The following MAST2 variants were observed in gnomAD, a reference collection of about 807,000 sequenced individuals.
MAST2 encodes microtubule-associated serine/threonine-protein kinase 2.
Under a neutral mutation model 147.4 loss-of-function variants are expected in MAST2, and 70 were observed. The observed-to-expected ratio is 0.47, with a 90% CI of 0.39 to 0.58. MAST2 has a LOEUF of 0.58. Among genes scored for constraint, MAST2 ranks in the 20% least tolerant of loss-of-function variants. The pLI is 0.00. For missense variants in MAST2, 2,080 were observed against 2,302.3 expected, an observed-to-expected ratio of 0.90 and a Z score of 1.98; for synonymous variants, 869 against 896.8, an observed-to-expected ratio of 0.97 and a Z score of 0.55.
At chr1:45,928,135 C>T (rs530266599) in intron 4 of MAST2, among the ~76,000 whole-genome samples, 13 of 152,292 alleles carry the variant, frequency 8.5e-5, no homozygotes, top group East Asian at 5.8e-4. Context: ...TCCCCAGTAT[C>T]GTCTACATTG....
chr1:46,023,787 G>T lies in MAST2; in HGVS notation c.1587G>T (p.Val529=), dbSNP rs1389784839. 6.2e-7 allele frequency: 1 copy of T among 1,614,000 alleles called. No homozygotes were observed. Among genetic ancestry groups the T allele is most frequent in the Admixed American group, 1.7e-5 (1 of 59,994 alleles). ...TGTTTCCCAGGGCTGTATTTCTGGT[G>T]CGGCACAAGTCCACCCGGCAGCGCT... The part of the protein sequence containing the change: ...SNGAYGAVFL[V]RHKSTRQRFA... Residue 529 remains valine (V), a synonymous_variant, in exon 15 of 29, where the codon GTG becomes GTT. Coordinates refer to ENST00000361297, the MANE Select transcript of MAST2 (RefSeq NM_015112.3). This position sits in a 1 kb window ranked among gnomAD's most constrained non-coding sequence, Gnocchi z 4.9.
chr1:45,813,846 C>T (rs181273807), intron 1 of MAST2, among the ~76,000 whole-genome samples: 32 of 152,168 alleles, frequency 2.1e-4, no homozygotes, highest in Admixed American at 1.9e-3. Context: ...GAGATGAAGT[C>T]TTGCTATGTT....
chr1:45,873,454 T>A (rs1001365562), intron 3 of MAST2, among the ~76,000 whole-genome samples: 10 of 152,208 alleles, frequency 6.6e-5, no homozygotes, highest in African/African-American at 2.4e-4. Flanking sequence ...TGCCTCAGCC[T>A]CCCAAAGTGC....
intron 3 of MAST2, among the ~76,000 whole-genome samples, chr1:45,843,247 T>C (rs1185626868): frequency 6.6e-6 from 1 of 152,176 alleles, no homozygotes; most frequent in East Asian, 1.9e-4. Context: ...TTGTTGGTAA[T>C]GTCCTTTGAA....
In MAST2 at chr1:46,023,616, G is replaced by C. The variant is rs1254885376; in HGVS notation, c.1572-156G>C. Reference sequence around the variant, plus strand: ...CTATCAAGAAGTTTAAGAGTTCTATGGACCAGGGGGTCCCAGACCCTTCTC... The same window carrying C: ...CTATCAAGAAGTTTAAGAGTTCTATCGACCAGGGGGTCCCAGACCCTTCTC... On this transcript the variant is annotated intron_variant, in intron 14 of 28. Coordinates refer to ENST00000361297, the MANE Select transcript of MAST2 (RefSeq NM_015112.3). The surrounding 1 kb of genome is among the most constrained non-coding windows in gnomAD (Gnocchi z 4.9). 2 of 680,248 alleles carry C rather than the reference G, an allele frequency of 2.9e-6. No individual in the cohort carries two copies. The highest frequency in any genetic ancestry group is 5.0e-6 in the Non-Finnish European group (2 of 399,730). 42.1% of individuals were successfully genotyped at this position (680,248 alleles called of 1,614,324 possible).
intron 4 of MAST2, among the ~76,000 whole-genome samples, chr1:45,904,174 A>T (rs970856730): frequency 3.5e-5 from 5 of 141,344 alleles, no homozygotes; most frequent in East Asian, 2.1e-4. Flanking sequence ...CTAATTTTTA[A>T]TTTTTTTTTT....
In MAST2 at chr1:45,857,553, C is replaced by T. The variant is rs143512376; in HGVS notation, c.469-24811C>T. ...CTGGATGGGGCACCACTGTGATGGGCCTGATGAGTCTCTGAGACTGCTGCA... is the reference window on the plus strand; with the variant it reads ...CTGGATGGGGCACCACTGTGATGGGTCTGATGAGTCTCTGAGACTGCTGCA... On this transcript the variant is annotated intron_variant, in intron 3 of 28. Coordinates refer to ENST00000361297, the MANE Select transcript of MAST2 (RefSeq NM_015112.3). 4.9e-3 allele frequency among the ~76,000 whole-genome samples: 739 copies of T among 152,232 alleles called. 3 individuals carry two copies. The highest frequency in any genetic ancestry group is 0.024 in the Middle Eastern group (7 of 294).
At chr1:45,825,580 G>C (rs377451485) in intron 2 of MAST2, among the ~76,000 whole-genome samples, 1 of 151,102 alleles carries the variant, frequency 6.6e-6, no homozygotes, top group Non-Finnish European at 1.5e-5. Flanking sequence ...TCACAGGTGC[G>C]CACCACCATG....
intron 3 of MAST2, among the ~76,000 whole-genome samples, chr1:45,857,530 G>A (rs1279435263): frequency 6.6e-6 from 1 of 152,192 alleles, no homozygotes; most frequent in Non-Finnish European, 1.5e-5. Flanking sequence ...ACTTTGTGCT[G>A]GATGGGGCAC....
chr1:45,892,220 A>T lies in MAST2; in HGVS notation c.500+9825A>T, dbSNP rs201367306. On this transcript the variant is annotated intron_variant, in intron 4 of 28. Transcript: ENST00000361297. ...CTTGTTTAGCCCTATTCAAATAACCATATTGCCTTGAACTGTAAGGAGACT... is the reference window on the plus strand; with the variant it reads ...CTTGTTTAGCCCTATTCAAATAACCTTATTGCCTTGAACTGTAAGGAGACT... 2.0e-5 allele frequency among the ~76,000 whole-genome samples: 3 copies of T among 152,286 alleles called. No homozygotes were observed. The East Asian group carries it at 5.8e-4, about 29-fold the overall frequency.
rs527589213 is a variant in MAST2 at position 46,003,031 on chromosome 1, G to A, written c.747+148G>A. 7.3e-5 allele frequency: 57 copies of A among 782,668 alleles called. No individual in the cohort carries two copies. The African/African-American group carries it at 8.3e-4, about 11-fold the overall frequency. 48.5% of individuals were successfully genotyped at this position (782,668 alleles called of 1,614,324 possible). On this transcript the variant is annotated intron_variant, in intron 7 of 28. Coordinates refer to ENST00000361297, the MANE Select transcript of MAST2 (RefSeq NM_015112.3). ...AGAGATGATGTTGGGTGCAACAGAG[G>A]GCTGGGGTCCCTTCCCAACCATAGC... is the stretch of plus-strand genomic sequence containing the variant.
intron 4 of MAST2, among the ~76,000 whole-genome samples, chr1:45,889,582 G>C (rs1037757580): frequency 6.6e-6 from 1 of 151,924 alleles, no homozygotes; most frequent in African/African-American, 2.4e-5. Context: ...TGTGTTCTCT[G>C]TGCCTGGAAT....
At chr1:45,910,807 C>T (rs1651546141) in intron 4 of MAST2, among the ~76,000 whole-genome samples, 2 of 152,184 alleles carry the variant, frequency 1.3e-5, no homozygotes, top group African/African-American at 2.4e-5. Context: ...TAATCTCAGG[C>T]AGAGTTCTCT....
At chr1:45,845,906 G>A (rs1321322623) in intron 3 of MAST2, among the ~76,000 whole-genome samples, 1 of 152,088 alleles carries the variant, frequency 6.6e-6, no homozygotes, top group Non-Finnish European at 1.5e-5. Context: ...GACTACAGGT[G>A]CCCACCACCA....
At chr1:45,812,425 CTT>C (rs35095652) in intron 1 of MAST2, among the ~76,000 whole-genome samples, 3,173 of 121,580 alleles carry the variant, frequency 0.026, 113 homozygotes, top group African/African-American at 0.09. Context: ...ATCTGTAAGC[CTT>C]TTTTTTTTTT....
At position 46,033,818 on chromosome 1, in the gene MAST2, C is replaced by G; in HGVS notation, c.3554C>G (p.Ala1185Gly). The change falls in exon 27 of 29, where the codon GCC (alanine) becomes GGC (glycine). Residue 1185 changes from alanine to glycine, a missense_variant. Physicochemically the swap from Ala to Gly is moderately conservative, Grantham distance 60. Transcript: ENST00000361297. Reference sequence around the variant, plus strand: ...GCTCCCCAGAGTGGAAACAAGGTGGCCATTTCAACAACTCCCCTGGAGAAC... The same window carrying G: ...GCTCCCCAGAGTGGAAACAAGGTGGGCATTTCAACAACTCCCCTGGAGAAC... ...ELILKSGNKV[A>G]ISTTPLENTS... is the part of the protein sequence containing the mutation. 6.2e-7 allele frequency: 1 copy of G among 1,614,134 alleles called. No individual in the cohort carries two copies.
chr1:45,989,865 C>T (rs1381650098), intron 5 of MAST2, among the ~76,000 whole-genome samples: 1 of 152,146 alleles, frequency 6.6e-6, no homozygotes, highest in Non-Finnish European at 1.5e-5. Context: ...GTTTCTTTCA[C>T]TTAGCAATAT....
intron 5 of MAST2, among the ~76,000 whole-genome samples, chr1:45,991,305 G>T (rs1644847815): frequency 6.6e-6 from 1 of 152,074 alleles, no homozygotes; most frequent in Non-Finnish European, 1.5e-5. Flanking sequence ...AGTGAGTCTT[G>T]AGGTCAGGTA....
At chr1:45,969,907 C>T (rs1410850990) in intron 5 of MAST2, among the ~76,000 whole-genome samples, 1 of 152,132 alleles carries the variant, frequency 6.6e-6, no homozygotes, top group Non-Finnish European at 1.5e-5. Flanking sequence ...GTGACTAGGT[C>T]TCAGTCTTTT....
Sources: gnomAD v4.1 joint callset for allele counts (sites outside exome capture counted in the v4.1 genomes callset) on GRCh38, gnomAD v4.1.1 for gene constraint, Gnocchi (gnomAD v3.1) non-coding constraint, MANE v1.5 for transcripts, NCBI Gene and HGNC (gene_info 2026-07-23, HGNC 2026-07-21) for gene names.